Variants in MYO1E observed in about 807,000 individuals in gnomAD.
The protein encoded by MYO1E is unconventional myosin-Ie.
In MYO1E, 68 loss-of-function variants were observed where a neutral mutation model predicts 151.1. That is an observed-to-expected ratio of 0.45 (90% confidence interval 0.37 to 0.55). The LOEUF (loss-of-function observed/expected upper bound fraction) is 0.55, where lower values mean the gene tolerates loss of function less well. Among genes scored for constraint, MYO1E ranks in the 20% least tolerant of loss-of-function variants. The probability of loss-of-function intolerance (pLI) is 0.00; values close to 1 mark genes in which losing one functional copy is unlikely to be tolerated. For synonymous variants in MYO1E, 601 were observed against 501.7 expected, an observed-to-expected ratio of 1.20 and a Z score of -2.64; for missense variants, 1,363 against 1,389.3, an observed-to-expected ratio of 0.98 and a Z score of 0.30.
At chr15:59,182,724 G>A (rs185972575) in intron 18 of MYO1E, among the ~76,000 whole-genome samples, 75 of 152,296 alleles carry the variant, frequency 4.9e-4, no homozygotes, top group Middle Eastern at 3.4e-3. Context: ...GCGGCACAGC[G>A]TAAAGTACAG....
chr15:59,259,957 T>C (rs2080215799), intron 3 of MYO1E, among the ~76,000 whole-genome samples: 1 of 152,244 alleles, frequency 6.6e-6, no homozygotes, highest in Non-Finnish European at 1.5e-5. Context: ...ATAGATGTTA[T>C]GACACAGCCA....
intron 1 of MYO1E, among the ~76,000 whole-genome samples, chr15:59,330,896 G>C (rs1412877899): frequency 6.6e-6 from 1 of 152,070 alleles, no homozygotes; most frequent in African/African-American, 2.4e-5. Flanking sequence ...AGCCCCTGCA[G>C]GTAGCTGGGA....
At chr15:59,183,663 T>G (rs1398377780) in intron 18 of MYO1E, among the ~76,000 whole-genome samples, 2 of 152,232 alleles carry the variant, frequency 1.3e-5, no homozygotes, top group Non-Finnish European at 2.9e-5. Context: ...CTCAAACATT[T>G]ATTCTTTGTG....
At chr15:59,183,969 C>T (rs558441578) in intron 18 of MYO1E, among the ~76,000 whole-genome samples, 2 of 152,264 alleles carry the variant, frequency 1.3e-5, no homozygotes, top group African/African-American at 4.8e-5. Flanking sequence ...TTTCACTTAA[C>T]ATAATGATCT....
At chr15:59,242,663 G>A (rs954166818) in intron 4 of MYO1E, among the ~76,000 whole-genome samples, 2 of 152,210 alleles carry the variant, frequency 1.3e-5, no homozygotes, top group African/African-American at 4.8e-5. Flanking sequence ...GTAGGTGGAG[G>A]TTTGGATGTG....
At chr15:59,240,502 A>T (rs759665978) in intron 4 of MYO1E, among the ~76,000 whole-genome samples, 1 of 152,248 alleles carries the variant, frequency 6.6e-6, no homozygotes, top group Non-Finnish European at 1.5e-5. Flanking sequence ...AAGGACCATA[A>T]TTATTTTTCT....
At position 59,208,791 on chromosome 15, in the gene MYO1E, C is replaced by A. The variant is rs1037256063; in HGVS notation, c.1420G>T (p.Gly474Cys). ...DDVCATMHAVGEGADQTLLQK... is the reference protein window; with the variant it reads ...DDVCATMHAVCEGADQTLLQK... ...AGCAGCGTCTGATCTGCCCCCTCAC[C>A]CACCGCATGCATCGTGGCGCACACG... is the stretch of plus-strand genomic sequence containing the variant. The change falls in exon 14 of 28, where the codon GGT becomes TGT. Residue 474 changes from glycine to cysteine, a missense_variant. By Grantham distance (159) the Gly-to-Cys change is radical. Coordinates refer to ENST00000288235, the MANE Select transcript of MYO1E (RefSeq NM_004998.4). The A allele has an allele frequency of 6.2e-7, 1 of 1,614,230 alleles. No homozygotes were observed. The highest frequency in any genetic ancestry group is 8.5e-7 in the Non-Finnish European group (1 of 1,180,042).
intron 16 of MYO1E, among the ~76,000 whole-genome samples, chr15:59,197,086 G>A (rs540673982): frequency 1.6e-5 from 2 of 127,132 alleles, no homozygotes; most frequent in East Asian, 5.4e-4. Context: ...TCTGCCTCCC[G>A]AGTTCAAGCG....
At chr15:59,368,273 T>A (rs192405460) in intron 1 of MYO1E, among the ~76,000 whole-genome samples, 1 of 152,302 alleles carries the variant, frequency 6.6e-6, no homozygotes, top group East Asian at 1.9e-4. Context: ...TATTCCATAT[T>A]TACTCTCTAG....
At chr15:59,158,198 G>A in intron 25 of MYO1E, 89 bp downstream of exon 25, 1 of 1,145,964 alleles carries the variant, frequency 8.7e-7, no homozygotes, top group Non-Finnish European at 1.3e-6. Flanking sequence ...TGTGTGCATT[G>A]ATTTGCTAAT....
At chr15:59,238,606 T>G (rs1045706033) in intron 4 of MYO1E, among the ~76,000 whole-genome samples, 1 of 152,072 alleles carries the variant, frequency 6.6e-6, no homozygotes, top group East Asian at 1.9e-4. Flanking sequence ...GAGTCTCACT[T>G]TGTCACCCAG....
At chr15:59,236,041 T>A (rs1172837597) in intron 5 of MYO1E, among the ~76,000 whole-genome samples, 1 of 152,060 alleles carries the variant, frequency 6.6e-6, no homozygotes, top group African/African-American at 2.4e-5. Context: ...TTTGTAGGAG[T>A]TCATTATATA....
chr15:59,135,569 G>A lies in MYO1E; in HGVS notation c.*1811C>T, dbSNP rs1166732666. The A allele has an allele frequency of 6.6e-6, 1 of 152,136 alleles. No homozygotes were observed. The highest frequency in any genetic ancestry group is 1.5e-5 in the Non-Finnish European group (1 of 68,010). The allele number at this position is 152,136 out of a possible 1,614,324, so 9.4% of individuals were successfully genotyped here. A position where few individuals can be genotyped will look rare whatever the true frequency, so the allele number is the denominator to read the frequency against. Reference sequence around the variant, plus strand: ...GCATCATGGCTCTACTTTCCTCTCTGGTCGCAACATGGAACTGAAGTAGCC... The same window carrying A: ...GCATCATGGCTCTACTTTCCTCTCTAGTCGCAACATGGAACTGAAGTAGCC... On this transcript the variant is annotated 3_prime_UTR_variant, in exon 28 of 28. Coordinates refer to ENST00000288235, the MANE Select transcript of MYO1E (RefSeq NM_004998.4).
At chr15:59,165,421 T>G (rs1159947581) in intron 22 of MYO1E, among the ~76,000 whole-genome samples, 1 of 152,170 alleles carries the variant, frequency 6.6e-6, no homozygotes, top group Admixed American at 6.5e-5. Flanking sequence ...TAATAGCCAT[T>G]TGGGTGGAAC....
At chr15:59,291,710 AAAGAGAGAGAGAG>A (rs2080420349) in intron 1 of MYO1E, among the ~76,000 whole-genome samples, 1 of 133,190 alleles carries the variant, frequency 7.5e-6, no homozygotes, top group African/African-American at 3.3e-5. Flanking sequence ...AAAAAAAAAA[AAAGAGAGAGAGAG>A]AGAGAAAACA....
At chr15:59,161,268 G>A (rs751448189) in intron 23 of MYO1E, 38 bp from the exon 24 acceptor site, 174 of 1,606,678 alleles carry the variant, frequency 1.1e-4, no homozygotes, top group Non-Finnish European at 1.4e-4. Context: ...GTCGAAGGAC[G>A]CAGTGAGAAA....
intron 26 of MYO1E, among the ~76,000 whole-genome samples, chr15:59,146,604 T>C (rs960932832): frequency 4.6e-5 from 7 of 152,092 alleles, no homozygotes; most frequent in Non-Finnish European, 2.9e-5. Context: ...CATGAGCCAC[T>C]GTGCTTGGCT....
chr15:59,180,853 A>G (rs1343733270), intron 18 of MYO1E, among the ~76,000 whole-genome samples: 2 of 152,240 alleles, frequency 1.3e-5, no homozygotes, highest in Non-Finnish European at 2.9e-5. Flanking sequence ...TTTTGGACAG[A>G]TGGCAATAAT....
Position 59,174,191 on chromosome 15 carries a change from C to T in MYO1E, c.2099G>A (p.Arg700Gln), listed in dbSNP as rs757483863. 30 of 1,613,984 alleles carry T rather than the reference C, an allele frequency of 1.9e-5. No homozygotes were observed. Among genetic ancestry groups the T allele is most frequent in the African/African-American group, 1.7e-4 (13 of 74,930 alleles). The change falls in exon 20 of 28, where the codon CGA (arginine) becomes CAA (glutamine). Residue 700 changes from arginine to glutamine, a missense_variant. Arg to Gln is a conservative substitution (Grantham distance 43, BLOSUM62 1). Coordinates refer to ENST00000288235, the MANE Select transcript of MYO1E (RefSeq NM_004998.4). The part of the protein sequence containing the change: ...MRERKYDGYA[R>Q]VIQKSWRKFV... ...TTTCCTCCATGATTTCTGTATCACT[C>T]GAGCATACCCATCATACTTTCTCTC...
Sources: allele counts gnomAD v4.1 joint callset (sites outside exome capture counted in the v4.1 genomes callset), GRCh38; gene constraint gnomAD v4.1.1; transcripts MANE v1.5; gene names NCBI Gene and HGNC (gene_info 2026-07-23, HGNC 2026-07-21).